Variants in PSD4 observed in about 807,000 individuals in gnomAD.
The protein encoded by PSD4 is pleckstrin and Sec7 domain containing 4, also known as PH and SEC7 domain-containing protein 4.
Under a neutral mutation model 112.5 loss-of-function variants are expected in PSD4, and 59 were observed. The ratio of observed to expected loss-of-function variants is 0.52; its 90% CI spans 0.43 to 0.65. The LOEUF (loss-of-function observed/expected upper bound fraction) is 0.65, where lower values mean the gene tolerates loss of function less well. PSD4 is among the 30% of genes least tolerant of loss of function. The pLI is 0.00. For synonymous variants in PSD4, 533 were observed against 540.0 expected (o/e 0.99, Z 0.18); for missense variants, 1,267 against 1,352.6 (o/e 0.94, Z 0.99).
Position 113,185,819 on chromosome 2 carries a change from C to T in PSD4, c.1250-58C>T, listed in dbSNP as rs563504930. 54 of 1,566,934 alleles carry T rather than the reference C, an allele frequency of 3.4e-5. No individual in the cohort carries two copies. In the South Asian group the frequency reaches 5.5e-4, roughly 16 times the overall value. ...AGGGAGGGAGCCTCTGGAGGTGGTGCCCAGGCCGTTCTCCTGCCTCCTGCC... is the reference window on the plus strand; with the variant it reads ...AGGGAGGGAGCCTCTGGAGGTGGTGTCCAGGCCGTTCTCCTGCCTCCTGCC... On this transcript the variant is annotated intron_variant, in intron 4 of 16. Transcript: ENST00000245796.
In PSD4 at chr2:113,196,500, A is replaced by G. The variant is rs1227122626; in HGVS notation, c.2386+193A>G. 15 of 646,920 alleles carry G rather than the reference A, an allele frequency of 2.3e-5. No individual in the cohort carries two copies. In the Admixed American group the frequency reaches 3.4e-4, roughly 15 times the overall value. 40.1% of individuals were successfully genotyped at this position (646,920 alleles called of 1,614,324 possible). On this transcript the variant is annotated intron_variant, in intron 12 of 16. Coordinates refer to ENST00000245796, the MANE Select transcript of PSD4 (RefSeq NM_012455.3). ...CTGTGTGAGGCACTAGAGGGTAGGT[A>G]GGAGAACCCAGACAAAACAGGCCTA...
intron 12 of PSD4, 32 bp downstream of exon 12, chr2:113,196,339 G>A (rs532007906): frequency 1.6e-5 from 26 of 1,597,280 alleles, no homozygotes; most frequent in African/African-American, 2.7e-5. Flanking sequence ...ACAGGGTGGC[G>A]TGCTGGGAGC....
intron 5 of PSD4, among the ~76,000 whole-genome samples, chr2:113,186,627 G>C (rs1688308143): frequency 6.6e-6 from 1 of 152,232 alleles, no homozygotes; most frequent in African/African-American, 2.4e-5. Flanking sequence ...GGAAGTGCAA[G>C]GTCAGAGCTT....
intron 5 of PSD4, among the ~76,000 whole-genome samples, chr2:113,186,485 T>C (rs1688304510): frequency 6.6e-6 from 1 of 152,202 alleles, no homozygotes; most frequent in Non-Finnish European, 1.5e-5. Flanking sequence ...GATCTGAGTG[T>C]GCTGGTGCAG....
intron 5 of PSD4, 128 bp downstream of exon 5, chr2:113,186,383 T>C: frequency 9.8e-7 from 1 of 1,023,390 alleles, no homozygotes; most frequent in Non-Finnish European, 1.4e-6. Context: ...GCAAGGATTA[T>C]ATGAGTGGGT....
At chr2:113,176,775 G>GT (rs1172596454) in intron 1 of PSD4, among the ~76,000 whole-genome samples, 1 of 152,168 alleles carries the variant, frequency 6.6e-6, no homozygotes, top group Non-Finnish European at 1.5e-5. Flanking sequence ...TTTTAGATGC[G>GT]TAAGACCTGG....
At chr2:113,198,685 A>C (rs2104509090) in intron 14 of PSD4, 55 bp from the exon 15 acceptor site, 1 of 1,486,936 alleles carries the variant, frequency 6.7e-7, no homozygotes, top group Middle Eastern at 1.8e-4. Flanking sequence ...GGGCGGGAGG[A>C]GGGTGACAGG....
rs1688700117 is a variant in PSD4 at position 113,199,066 on chromosome 2, C to T, written c.2770-17C>T. The T allele has an allele frequency of 6.6e-7, 1 of 1,521,198 alleles. No individual in the cohort carries two copies. The highest frequency in any genetic ancestry group is 1.4e-5 in the African/African-American group (1 of 70,190). The allele number at this position is 1,521,198 out of a possible 1,614,324, so 94.2% of individuals were successfully genotyped here. ...GGGACGCCCGGGACAGCGCCCCTCA[C>T]CGCCCGCTGCTCGCAGGAGGAGCAG... is the stretch of plus-strand genomic sequence containing the variant. On this transcript the variant is annotated splice_polypyrimidine_tract_variant and intron_variant, in intron 15 of 16. Coordinates refer to ENST00000245796, the MANE Select transcript of PSD4 (RefSeq NM_012455.3).
In PSD4 at chr2:113,199,172, C is replaced by T. The variant is rs1224348003; in HGVS notation, c.2859C>T (p.Gly953=). ...AGAGGAACCTGCCGGAGCGGCGGGG[C>T]CGTGGCCGCGAGCTGGAGGAGCACC... ...DLQRNLPERR[G]RGRELEEHRL... The change falls in exon 16 of 17, where the codon GGC becomes GGT. Residue 953 remains glycine, a synonymous_variant. Transcript: ENST00000245796. The T allele has an allele frequency of 6.6e-7, 1 of 1,525,090 alleles. No individual in the cohort carries two copies. The highest frequency in any genetic ancestry group is 8.8e-7 in the Non-Finnish European group (1 of 1,139,056). 94.5% of individuals were successfully genotyped at this position (1,525,090 alleles called of 1,614,324 possible).
At position 113,183,460 on chromosome 2, in the gene PSD4, T is replaced by C. The variant is rs761709635; in HGVS notation, c.1004T>C (p.Val335Ala). The C allele has an allele frequency of 6.9e-6, 11 of 1,590,642 alleles. No homozygotes were observed. In the African/African-American group the frequency reaches 1.5e-4, roughly 21 times the overall value. ...CCACACTCCATCTGCTGGGCCTCAG[T>C]GGCTGCCGCTGAGGGGGCTCCTGCA... is the stretch of plus-strand genomic sequence containing the variant. ...YKPHSICWAS[V>A]AAAEGAPAAP... The change falls in exon 2 of 17, where the codon GTG becomes GCG. Residue 335 changes from valine to alanine, a missense_variant. By Grantham distance (64) the Val-to-Ala change is moderately conservative (BLOSUM62 0). This residue lies in a region of PSD4 where 723 missense variants were observed against 704.0 expected (regional missense o/e 1.03). Coordinates refer to ENST00000245796, the MANE Select transcript of PSD4 (RefSeq NM_012455.3).
At chr2:113,189,148 G>C (rs1264568540) in intron 5 of PSD4, among the ~76,000 whole-genome samples, 3 of 152,086 alleles carry the variant, frequency 2.0e-5, no homozygotes, top group African/African-American at 7.2e-5. Context: ...TTATGAGTGA[G>C]AACATAGGAT....
intron 8 of PSD4, 50 bp from the exon 9 acceptor site, chr2:113,193,542 G>A (rs1487519977): frequency 1.3e-6 from 2 of 1,578,802 alleles, no homozygotes; most frequent in African/African-American, 2.7e-5. Flanking sequence ...GAGGAAACAG[G>A]AGCCCTGGTT....
At chr2:113,190,887 A>T (rs978388564) in intron 5 of PSD4, among the ~76,000 whole-genome samples, 2 of 152,282 alleles carry the variant, frequency 1.3e-5, no homozygotes. Flanking sequence ...AGATTTAAAT[A>T]AACTTATTTG....
intron 1 of PSD4, among the ~76,000 whole-genome samples, chr2:113,178,086 C>T (rs13023682): frequency 0.16 from 23,667 of 152,044 alleles, 2,178 homozygotes; most frequent in Non-Finnish European, 0.21. Context: ...GGCATGATGG[C>T]GGGTGCCTGT....
Position 113,183,171 on chromosome 2 carries a change from G to C in PSD4, c.715G>C (p.Ala239Pro), listed in dbSNP as rs772595541. The change falls in exon 2 of 17, where the codon GCT becomes CCT. Residue 239 changes from alanine to proline, a missense_variant. Physicochemically the swap from Ala to Pro is conservative, Grantham distance 27 (BLOSUM62 -1). This residue lies in a region of PSD4 where 723 missense variants were observed against 704.0 expected (regional missense o/e 1.03). Coordinates refer to ENST00000245796, the MANE Select transcript of PSD4 (RefSeq NM_012455.3). Reference protein sequence around the residue: ...GTPDSSPQWGAEEESMFFSNP... With the variant: ...GTPDSSPQWGPEEESMFFSNP... Reference sequence around the variant, plus strand: ...CCCAGACTCTTCCCCACAGTGGGGAGCTGAGGAGGAGAGCATGTTCTTCAG... The same window carrying C: ...CCCAGACTCTTCCCCACAGTGGGGACCTGAGGAGGAGAGCATGTTCTTCAG... The C allele has an allele frequency of 2.5e-6, 4 of 1,614,238 alleles. No homozygotes were observed. Among genetic ancestry groups the C allele is most frequent in the Non-Finnish European group, 2.5e-6 (3 of 1,180,034 alleles).
At chr2:113,200,302 C>T (rs1247236552) in intron 16 of PSD4, among the ~76,000 whole-genome samples, 2 of 152,184 alleles carry the variant, frequency 1.3e-5, no homozygotes, top group Non-Finnish European at 2.9e-5. Context: ...AGGGTGAGGG[C>T]CCACTGGGCA....
chr2:113,192,649 A>C lies in PSD4; in HGVS notation c.1838+60A>C, dbSNP rs1688480165. The C allele has an allele frequency of 2.6e-6, 4 of 1,556,308 alleles. No homozygotes were observed. In the Admixed American group the frequency reaches 7.0e-5, roughly 27 times the overall value. ...TGAGGCAGCCAGGGAGGAGCTGCTGAAGGGCTCCCTCCACTGGCCACCCTC... is the reference window on the plus strand; with the variant it reads ...TGAGGCAGCCAGGGAGGAGCTGCTGCAGGGCTCCCTCCACTGGCCACCCTC... On this transcript the variant is annotated intron_variant, in intron 6 of 16. Coordinates refer to ENST00000245796, the MANE Select transcript of PSD4 (RefSeq NM_012455.3).
rs1688879060 is a variant in PSD4, at chr2:113,207,450, TC to T, written c.*6036del. The T allele has an allele frequency of 1.3e-5, 1 of 74,316 alleles. No homozygotes were observed. The highest frequency in any genetic ancestry group is 2.7e-5 in the Non-Finnish European group (1 of 37,104). 4.6% of individuals were successfully genotyped at this position (74,316 alleles called of 1,614,324 possible). On this transcript the variant is annotated 3_prime_UTR_variant, in exon 17 of 17. Coordinates refer to ENST00000245796, the MANE Select transcript of PSD4 (RefSeq NM_012455.3). ...TCTGTAACTCTCCTCTCCTCTCTCC[TC>T]TTCTTTTTTTTTTTTTTTTTTTTGA...
Position 113,182,948 on chromosome 2 carries a change from G to A in PSD4, c.492G>A (p.Gln164=), listed in dbSNP as rs768574859. 85 of 1,614,126 alleles carry A rather than the reference G, an allele frequency of 5.3e-5. No homozygotes were observed. Among genetic ancestry groups the A allele is most frequent in the Non-Finnish European group, 7.1e-5 (84 of 1,180,060 alleles). ...VVFWAGILQA[Q]MCVLDLEEEL... ...TCTGGGCAGGCATCCTGCAGGCCCA[G>A]ATGTGTGTCCTAGACCTGGAGGAGG... Residue 164 remains glutamine, a synonymous_variant, in exon 2 of 17, where the codon CAG becomes CAA. Coordinates refer to ENST00000245796, the MANE Select transcript of PSD4 (RefSeq NM_012455.3).
Sources: gnomAD v4.1 joint callset for allele counts (sites outside exome capture counted in the v4.1 genomes callset) on GRCh38, gnomAD v4.1.1 for gene constraint, gnomAD v4.1.1 regional missense constraint, MANE v1.5 for transcripts, NCBI Gene and HGNC (gene_info 2026-07-23, HGNC 2026-07-21) for gene names.